The following TMCC1 variants were observed in gnomAD, a reference collection of about 807,000 sequenced individuals.
TMCC1 encodes transmembrane and coiled-coil domains protein 1.
In TMCC1, 15 loss-of-function variants were observed where a neutral mutation model predicts 52.4. The ratio of observed to expected loss-of-function variants is 0.29; its 90% CI spans 0.19 to 0.44. The LOEUF is 0.44. Among genes scored for constraint, TMCC1 ranks in the 20% least tolerant of loss-of-function variants. TMCC1 has a pLI of 1.00. For synonymous variants in TMCC1, 279 were observed against 301.9 expected (o/e 0.92, Z 0.79); for missense variants, 503 against 806.0 (o/e 0.62, Z 4.55).
intron 4 of TMCC1, among the ~76,000 whole-genome samples, chr3:129,747,464 C>T (rs574679350): frequency 2.0e-5 from 3 of 152,180 alleles, no homozygotes; most frequent in African/African-American, 4.8e-5. Flanking sequence ...TAAATTACTT[C>T]GATAATTTAA....
intron 4 of TMCC1, among the ~76,000 whole-genome samples, chr3:129,785,928 ACC>A (rs1185182874): frequency 1.1e-5 from 1 of 87,752 alleles, no homozygotes; most frequent in Non-Finnish European, 2.1e-5. Context: ...ACTTACCCTC[ACC>A]CCCTTTTTTT....
chr3:129,864,342 A>G (rs1325352858), intron 2 of TMCC1, among the ~76,000 whole-genome samples: 1 of 152,236 alleles, frequency 6.6e-6, no homozygotes, highest in African/African-American at 2.4e-5. Context: ...CTAGCCTTCT[A>G]TTCACCACAC....
At chr3:129,723,603 G>T (rs1005174070) in intron 4 of TMCC1, among the ~76,000 whole-genome samples, 1 of 152,140 alleles carries the variant, frequency 6.6e-6, no homozygotes, top group Non-Finnish European at 1.5e-5. Flanking sequence ...ACTCTGCAAT[G>T]AAGCAGCCCA....
intron 2 of TMCC1, among the ~76,000 whole-genome samples, chr3:129,875,336 A>G (rs1367179737): frequency 6.6e-6 from 1 of 151,794 alleles, no homozygotes; most frequent in Non-Finnish European, 1.5e-5. Context: ...AAAAATACGA[A>G]AAAGAATTAG....
intron 4 of TMCC1, among the ~76,000 whole-genome samples, chr3:129,723,470 T>C (rs1401851552): frequency 6.6e-6 from 1 of 151,046 alleles, no homozygotes; most frequent in Non-Finnish European, 1.5e-5. Flanking sequence ...TATGCATGCC[T>C]GGCATCTTCG....
At chr3:129,683,027 G>A (rs949841716) in intron 4 of TMCC1, among the ~76,000 whole-genome samples, 8 of 152,108 alleles carry the variant, frequency 5.3e-5, no homozygotes, top group Admixed American at 5.2e-4. Context: ...TAGAGACAGG[G>A]TTTCTCTACG....
At chr3:129,673,938 A>G (rs1560161390) in intron 4 of TMCC1, among the ~76,000 whole-genome samples, 1 of 152,144 alleles carries the variant, frequency 6.6e-6, no homozygotes, top group Non-Finnish European at 1.5e-5. Flanking sequence ...CCATAAGACT[A>G]TAATACCAGA....
At chr3:129,726,492 T>C (rs1490938406) in intron 4 of TMCC1, among the ~76,000 whole-genome samples, 1 of 152,174 alleles carries the variant, frequency 6.6e-6, no homozygotes, top group Admixed American at 6.5e-5. Flanking sequence ...TGCTTTACTA[T>C]CTGTAGTTTA....
chr3:129,832,565 G>A (rs978734138), intron 3 of TMCC1, among the ~76,000 whole-genome samples: 4 of 152,154 alleles, frequency 2.6e-5, no homozygotes, highest in African/African-American at 9.7e-5. Context: ...AGAAATAAGT[G>A]AAAAAATTAT....
At chr3:129,703,088 G>A (rs149442166) in intron 4 of TMCC1, among the ~76,000 whole-genome samples, 62 of 152,300 alleles carry the variant, frequency 4.1e-4, no homozygotes, top group African/African-American at 1.5e-3. Context: ...ACTAGCCATA[G>A]ATGGCTTGGG....
At chr3:129,724,567 T>A (rs938648480) in intron 4 of TMCC1, among the ~76,000 whole-genome samples, 2 of 152,184 alleles carry the variant, frequency 1.3e-5, no homozygotes, top group African/African-American at 4.8e-5. Flanking sequence ...ACTGAAGGTG[T>A]GAATAACCTC....
In TMCC1 at chr3:129,846,655, T is replaced by C. The variant is rs961153580; in HGVS notation, c.-183-13829A>G. On this transcript the variant is annotated intron_variant, in intron 2 of 6. Coordinates refer to ENST00000393238, the MANE Select transcript of TMCC1 (RefSeq NM_001017395.5). ...TTGACCTCCTGGTTTTATAACACAT[T>C]ACTAACCCAGTAATAGGAAATCCAA... is the stretch of plus-strand genomic sequence containing the variant. Among the ~76,000 whole-genome samples, 5 of 152,156 alleles carry C rather than the reference T, an allele frequency of 3.3e-5. No homozygotes were observed. The South Asian group carries it at 1.0e-3, about 32-fold the overall frequency.
At chr3:129,891,324 G>A (rs2061955039) in intron 1 of TMCC1, among the ~76,000 whole-genome samples, 1 of 152,136 alleles carries the variant, frequency 6.6e-6, no homozygotes, top group Non-Finnish European at 1.5e-5. Context: ...CGTTTTATAT[G>A]GCTAAGAATG....
intron 4 of TMCC1, among the ~76,000 whole-genome samples, chr3:129,777,887 G>A (rs2055171549): frequency 6.6e-6 from 1 of 152,138 alleles, no homozygotes; most frequent in Admixed American, 6.6e-5. Flanking sequence ...AGGGTGAAAT[G>A]CCACTGGCCA....
chr3:129,733,886 T>A (rs2050733548), intron 4 of TMCC1, among the ~76,000 whole-genome samples: 1 of 152,082 alleles, frequency 6.6e-6, no homozygotes, highest in Non-Finnish European at 1.5e-5. Context: ...CCATTTCACA[T>A]CCACGAACAG....
chr3:129,670,181 T>A (rs547715398), intron 5 of TMCC1, 149 bp downstream of exon 5: 2 of 747,762 alleles, frequency 2.7e-6, no homozygotes, highest in Admixed American at 2.9e-5. Flanking sequence ...CAATGCTTCA[T>A]CAGGAACTCA....
chr3:129,753,502 C>T (rs1484116796), intron 4 of TMCC1, among the ~76,000 whole-genome samples: 1 of 152,134 alleles, frequency 6.6e-6, no homozygotes, highest in Non-Finnish European at 1.5e-5. Context: ...TAATACATCA[C>T]AACCAAGTGG....
At chr3:129,731,769 A>T (rs1285866112) in intron 4 of TMCC1, among the ~76,000 whole-genome samples, 1 of 151,972 alleles carries the variant, frequency 6.6e-6, no homozygotes, top group East Asian at 1.9e-4. Flanking sequence ...TACAGGTGTC[A>T]GCCCCCAAGC....
At chr3:129,870,982 A>G (rs2060901737) in intron 2 of TMCC1, among the ~76,000 whole-genome samples, 1 of 152,000 alleles carries the variant, frequency 6.6e-6, no homozygotes, top group East Asian at 1.9e-4. Flanking sequence ...TTTTTTTTTA[A>G]CAGCCAAATC....
Sources: gnomAD v4.1 joint callset for allele counts (sites outside exome capture counted in the v4.1 genomes callset) on GRCh38, gnomAD v4.1.1 for gene constraint, MANE v1.5 for transcripts, NCBI Gene and HGNC (gene_info 2026-07-23, HGNC 2026-07-21) for gene names.